MAP4K5: variants seen among roughly 807,000 people sequenced by gnomAD.
MAP4K5 encodes the protein MAPK/ERK kinase kinase kinase 5.
In MAP4K5, 82 loss-of-function variants were observed where a neutral mutation model predicts 135.6. That is an observed-to-expected ratio of 0.60 (90% CI 0.51 to 0.73). MAP4K5 has a LOEUF of 0.73. Among genes scored for constraint, MAP4K5 ranks in the 30% least tolerant of loss-of-function variants. The probability of loss-of-function intolerance (pLI) is 0.00; values close to 1 mark genes in which losing one functional copy is unlikely to be tolerated. For synonymous variants in MAP4K5, 347 were observed against 335.0 expected (o/e 1.04, Z -0.39); for missense variants, 907 against 1,010.9 (o/e 0.90, Z 1.39).
At chr14:50,456,255 A>G in intron 14 of MAP4K5, 1 of 443,042 alleles carries the variant, frequency 2.3e-6, no homozygotes, top group Non-Finnish European at 4.0e-6. Flanking sequence ...GATTGCATGC[A>G]ATGTTAATTT....
chr14:50,543,782 T>C (rs1219950265), intron 1 of MAP4K5, among the ~76,000 whole-genome samples: 1 of 152,222 alleles, frequency 6.6e-6, no homozygotes, highest in African/African-American at 2.4e-5. Context: ...CTATTATTCC[T>C]AATAACTCTC....
intron 2 of MAP4K5, among the ~76,000 whole-genome samples, chr14:50,530,934 G>A (rs1054036094): frequency 1.3e-5 from 2 of 152,140 alleles, no homozygotes; most frequent in African/African-American, 4.8e-5. Flanking sequence ...AACCCCAGAG[G>A]AATCTACTGG....
chr14:50,502,569 C>A (rs920469661), intron 3 of MAP4K5, among the ~76,000 whole-genome samples: 1 of 152,054 alleles, frequency 6.6e-6, no homozygotes, highest in Non-Finnish European at 1.5e-5. Flanking sequence ...AAATATCCTA[C>A]ATTAATCTAT....
chr14:50,447,531 AC>A, intron 15 of MAP4K5, 50 bp from the exon 16 acceptor site: 1 of 1,030,420 alleles, frequency 9.7e-7, no homozygotes. Flanking sequence ...ACAGGTATTA[AC>A]CATTTTATTT....
chr14:50,423,300 TAAAAG>T (rs1000689053), intron 31 of MAP4K5, 124 bp from the exon 32 acceptor site: 68 of 513,282 alleles, frequency 1.3e-4, no homozygotes, highest in Middle Eastern at 8.0e-4. Flanking sequence ...ATTCCTCAAA[TAAAAG>T]AAATTTTAGT....
In MAP4K5 at chr14:50,514,486, G is replaced by C. The variant is rs2037992529; in HGVS notation, c.109-9629C>G. On this transcript the variant is annotated intron_variant, in intron 2 of 32. Transcript: ENST00000682126. ...CTAGGAATGTAATGAAACAAAAACA[G>C]TTCCTGTCTTCCGAAAACTTTTATC... is the stretch of plus-strand genomic sequence containing the variant. Among the ~76,000 whole-genome samples the C allele has an allele frequency of 2.6e-5, 4 of 152,206 alleles. No individual in the cohort carries two copies. The South Asian group carries it at 8.3e-4, about 31-fold the overall frequency.
At chr14:50,459,712 T>TTC (rs397963114) in intron 13 of MAP4K5, among the ~76,000 whole-genome samples, 2 of 151,354 alleles carry the variant, frequency 1.3e-5, no homozygotes, top group Non-Finnish European at 1.5e-5. Context: ...TTTTTTTTTT[T>TTC]CCTGAGACAG....
At chr14:50,424,844 A>C (rs1014840102) in intron 31 of MAP4K5, among the ~76,000 whole-genome samples, 2 of 152,186 alleles carry the variant, frequency 1.3e-5, no homozygotes, top group Non-Finnish European at 2.9e-5. Context: ...TTTAAGAATA[A>C]TTAACCATAT....
rs541943270 is a variant in MAP4K5, at chr14:50,532,098, T to G, written c.-49A>C. ...CCAGCTCACCCCGCGGCTCCCGGAT[T>G]CCCGCTAACAAGCACGAACGGCGCC... On this transcript the variant is annotated 5_prime_UTR_variant, in exon 2 of 33. Coordinates refer to ENST00000682126, the MANE Select transcript of MAP4K5 (RefSeq NM_006575.6). 53 of 1,211,962 alleles carry G rather than the reference T, an allele frequency of 4.4e-5. No homozygotes were observed. In the East Asian group the frequency reaches 1.1e-3, roughly 25 times the overall value. The allele number at this position is 1,211,962 out of a possible 1,614,324, so 75.1% of individuals were successfully genotyped here.
chr14:50,420,787 G>A (rs565253717), intron 32 of MAP4K5, among the ~76,000 whole-genome samples: 12 of 152,088 alleles, frequency 7.9e-5, no homozygotes, highest in Non-Finnish European at 1.0e-4. Flanking sequence ...TGTTCTTCAA[G>A]GTATTTGAAA....
At chr14:50,517,444 G>A (rs1465118930) in intron 2 of MAP4K5, among the ~76,000 whole-genome samples, 4 of 150,258 alleles carry the variant, frequency 2.7e-5, no homozygotes, top group African/African-American at 7.3e-5. Context: ...GAGCCACCGC[G>A]CCCAGCCTAC....
intron 28 of MAP4K5, among the ~76,000 whole-genome samples, chr14:50,432,777 T>C (rs1357445536): frequency 6.6e-6 from 1 of 152,158 alleles, no homozygotes; most frequent in Non-Finnish European, 1.5e-5. Context: ...AGCCAAAACT[T>C]GTCTTTAAAT....
intron 1 of MAP4K5, chr14:50,560,202 G>GCGGCCC: frequency 6.2e-7 from 1 of 1,601,072 alleles, no homozygotes; most frequent in South Asian, 1.1e-5. Flanking sequence ...CCAGCAACCT[G>GCGGCCC]CGGCCCCGGA....
At chr14:50,532,762 G>T (rs1595559289), upstream of MAP4K5, 5 of 152,950 alleles carry the variant, frequency 3.3e-5, no homozygotes, top group African/African-American at 1.2e-4. Flanking sequence ...CCCCTAGCCG[G>T]GCGCGTCCTT....
intron 14 of MAP4K5, among the ~76,000 whole-genome samples, chr14:50,451,467 TCAATCAGCC>T (rs2036483890): frequency 6.6e-6 from 1 of 152,102 alleles, no homozygotes; most frequent in South Asian, 2.1e-4. Flanking sequence ...TCTAAGAGGC[TCAATCAGCC>T]CAAGATAGAA....
intron 2 of MAP4K5, among the ~76,000 whole-genome samples, chr14:50,528,390 A>T (rs1321756109): frequency 7.1e-6 from 1 of 141,618 alleles, no homozygotes; most frequent in African/African-American, 2.7e-5. Flanking sequence ...GCTTCAAAAG[A>T]TACCTAAGGT....
chr14:50,449,639 A>G (rs997825483), intron 14 of MAP4K5: 3 of 152,242 alleles, frequency 2.0e-5, no homozygotes, highest in Non-Finnish European at 1.5e-5. Context: ...GACATAATTC[A>G]TCACATTAAA....
At position 50,418,621 on chromosome 14, in the gene MAP4K5, T is replaced by G. The variant is rs1259209782; in HGVS notation, c.*1398A>C. The stretch of plus-strand genomic sequence containing the variant: ...TCAACTACTAACTTGCTGTGTAAAT[T>G]GGATAGATCTCTTAACCTTGCTAAA... On this transcript the variant is annotated 3_prime_UTR_variant, in exon 33 of 33. Transcript: ENST00000682126. 2.6e-5 allele frequency: 4 copies of G among 152,670 alleles called. No homozygotes were observed. Among genetic ancestry groups the G allele is most frequent in the Non-Finnish European group, 5.9e-5 (4 of 68,048 alleles). The allele number at this position is 152,670 out of a possible 1,614,324, so 9.5% of individuals were successfully genotyped here.
At chr14:50,553,163 G>A (rs971448600) in intron 1 of MAP4K5, among the ~76,000 whole-genome samples, 4 of 151,814 alleles carry the variant, frequency 2.6e-5, no homozygotes, top group Non-Finnish European at 4.4e-5. Flanking sequence ...ATGCATGGTG[G>A]TGTGTGCCTG....
Sources: allele counts gnomAD v4.1 joint callset (sites outside exome capture counted in the v4.1 genomes callset), GRCh38; gene constraint gnomAD v4.1.1; transcripts MANE v1.5; gene names NCBI Gene and HGNC (gene_info 2026-07-23, HGNC 2026-07-21).